The following RCAN2 variants were observed in gnomAD, a reference collection of about 807,000 sequenced individuals.
RCAN2 encodes calcipressin-2.
In RCAN2, 9 loss-of-function variants were observed where a neutral mutation model predicts 23.6. That is an observed-to-expected ratio of 0.38 (90% CI 0.23 to 0.67). The LOEUF is 0.67. RCAN2 is among the 30% of genes least tolerant of loss of function. The pLI is 0.51. For missense variants in RCAN2, 273 were observed against 302.3 expected (o/e 0.90, Z 0.72); for synonymous variants, 109 against 115.7 (o/e 0.94, Z 0.37).
intron 2 of RCAN2, among the ~76,000 whole-genome samples, chr6:46,309,104 A>G (rs1763172238): frequency 6.6e-6 from 1 of 152,208 alleles, no homozygotes; most frequent in Non-Finnish European, 1.5e-5. Context: ...CCTGCTGTTC[A>G]GGAGAAGTTT....
chr6:46,389,675 G>A (rs1765871589), intron 2 of RCAN2, among the ~76,000 whole-genome samples: 1 of 152,216 alleles, frequency 6.6e-6, no homozygotes, highest in South Asian at 2.1e-4. Flanking sequence ...GCTTATGAAT[G>A]CAAAGAAAAT....
chr6:46,234,338 G>T (rs181562495), intron 4 of RCAN2, among the ~76,000 whole-genome samples: 1 of 152,334 alleles, frequency 6.6e-6, no homozygotes, highest in Non-Finnish European at 1.5e-5. Context: ...CTTTGGTCTT[G>T]TTGGATTGAA....
At chr6:46,267,215 C>T (rs1047880092) in intron 2 of RCAN2, among the ~76,000 whole-genome samples, 3 of 152,188 alleles carry the variant, frequency 2.0e-5, no homozygotes, top group African/African-American at 4.8e-5. Context: ...TATTGTAACT[C>T]GAAAGGAATA....
rs778215470 is a variant in RCAN2, at chr6:46,223,254, C to T, written c.619G>A (p.Val207Ile). Residue 207 changes from valine (V) to isoleucine (I), a missense_variant, in exon 5 of 5, where the codon GTC (valine) becomes ATC (isoleucine). Val to Ile is a conservative substitution (Grantham distance 29, BLOSUM62 3). Coordinates refer to ENST00000371374, the MANE Select transcript of RCAN2 (RefSeq NM_001251974.2). ...ATGTCACTGTCGCACACGTGCACGA[C>T]GACACTTGGGGTGGACTCAGTCCCT... ...HAGTESTPSV[V>I]VHVCDSDIEE... 22 of 1,613,802 alleles carry T rather than the reference C, an allele frequency of 1.4e-5. No homozygotes were observed. The highest frequency in any genetic ancestry group is 1.2e-4 in the South Asian group (11 of 91,060).
intron 2 of RCAN2, among the ~76,000 whole-genome samples, chr6:46,327,494 A>T (rs562463555): frequency 6.6e-6 from 1 of 152,358 alleles, no homozygotes; most frequent in East Asian, 1.9e-4. Flanking sequence ...GAGCCAGATG[A>T]TGCAAAACCT....
At chr6:46,340,439 G>A (rs1209155127) in intron 2 of RCAN2, among the ~76,000 whole-genome samples, 4 of 152,344 alleles carry the variant, frequency 2.6e-5, no homozygotes, top group Non-Finnish European at 4.4e-5. Context: ...GTGTGATCAC[G>A]TGACTGAGTT....
intron 2 of RCAN2, among the ~76,000 whole-genome samples, chr6:46,382,376 T>C (rs1765633672): frequency 6.6e-6 from 1 of 152,210 alleles, no homozygotes; most frequent in Admixed American, 6.5e-5. Flanking sequence ...CTGTAGGTAA[T>C]GGAAACTACA....
At chr6:46,345,963 GTAAATA>G (rs1157102922) in intron 2 of RCAN2, among the ~76,000 whole-genome samples, 1 of 151,976 alleles carries the variant, frequency 6.6e-6, no homozygotes, top group Admixed American at 6.6e-5. Flanking sequence ...TCCTAATATG[GTAAATA>G]TAAATATAAA....
intron 2 of RCAN2, among the ~76,000 whole-genome samples, chr6:46,341,452 G>A (rs1207257262): frequency 1.6e-4 from 25 of 152,212 alleles, no homozygotes; most frequent in Non-Finnish European, 2.1e-4. Context: ...ACGAATTTGT[G>A]TTGGGCCAAA....
intron 2 of RCAN2, among the ~76,000 whole-genome samples, chr6:46,311,034 A>G (rs747825585): frequency 1.3e-5 from 2 of 152,216 alleles, no homozygotes; most frequent in African/African-American, 2.4e-5. Context: ...TACATGCTTT[A>G]GGTACATTCT....
At chr6:46,357,602 A>T (rs1305083932) in intron 2 of RCAN2, among the ~76,000 whole-genome samples, 1 of 152,206 alleles carries the variant, frequency 6.6e-6, no homozygotes, top group African/African-American at 2.4e-5. Context: ...TAAAACCCAT[A>T]TATACTCTCC....
At chr6:46,458,901 GT>G (rs1349408816) in intron 1 of RCAN2, among the ~76,000 whole-genome samples, 3 of 150,694 alleles carry the variant, frequency 2.0e-5, no homozygotes, top group African/African-American at 7.5e-5. Flanking sequence ...GCGCACGTGT[GT>G]GTGTGTGTGA....
At chr6:46,353,356 G>A (rs913845654) in intron 2 of RCAN2, among the ~76,000 whole-genome samples, 11 of 152,060 alleles carry the variant, frequency 7.2e-5, no homozygotes, top group Non-Finnish European at 1.3e-4. Flanking sequence ...TGGGTGTGGG[G>A]GAGGAGAGAA....
intron 2 of RCAN2, among the ~76,000 whole-genome samples, chr6:46,272,261 T>C (rs1313458679): frequency 6.6e-6 from 1 of 152,174 alleles, no homozygotes; most frequent in African/African-American, 2.4e-5. Context: ...AGCTTCAAAA[T>C]GGAGTTAAAT....
intron 2 of RCAN2, among the ~76,000 whole-genome samples, chr6:46,371,682 G>C (rs1309036133): frequency 2.0e-5 from 3 of 152,230 alleles, no homozygotes; most frequent in Non-Finnish European, 4.4e-5. Context: ...ACTGACAAGA[G>C]AGAGGATTAC....
At chr6:46,397,268 G>T (rs1364749217) in intron 2 of RCAN2, among the ~76,000 whole-genome samples, 4 of 151,962 alleles carry the variant, frequency 2.6e-5, no homozygotes, top group Non-Finnish European at 5.9e-5. Context: ...CTACAAAGGG[G>T]GGTACCATAG....
Position 46,330,503 on chromosome 6 carries a change from C to T in RCAN2, c.226-81607G>A, listed in dbSNP as rs891392305. Among the ~76,000 whole-genome samples, 4 of 152,292 alleles carry T rather than the reference C, an allele frequency of 2.6e-5. 1 individual carries two copies. The highest frequency in any genetic ancestry group is 1.9e-4 in the East Asian group (1 of 5,188). On this transcript the variant is annotated intron_variant, in intron 2 of 4. Transcript: ENST00000371374. ...GGATTCCTCTTTTGAAATCACAATA[C>T]GTACCATCACACAATTCGAAAAGCA... is the stretch of plus-strand genomic sequence containing the variant.
intron 4 of RCAN2, among the ~76,000 whole-genome samples, chr6:46,233,090 A>C (rs567264208): frequency 2.6e-4 from 39 of 152,292 alleles, no homozygotes; most frequent in African/African-American, 9.4e-4. Context: ...TGCATAAAGG[A>C]AAGGAGGTAA....
intron 1 of RCAN2, among the ~76,000 whole-genome samples, chr6:46,483,835 C>T (rs919415372): frequency 6.6e-6 from 1 of 152,192 alleles, no homozygotes; most frequent in Non-Finnish European, 1.5e-5. Context: ...ATGCCCACAG[C>T]AGGACAAAAG....
Sources: allele counts gnomAD v4.1 joint callset (sites outside exome capture counted in the v4.1 genomes callset), GRCh38; gene constraint gnomAD v4.1.1; transcripts MANE v1.5; gene names NCBI Gene and HGNC (gene_info 2026-07-23, HGNC 2026-07-21).